The following ZNF609 variants were observed in gnomAD, a reference collection of about 807,000 sequenced individuals.
The protein encoded by ZNF609 is zinc finger protein 609.
ZNF609 carries 11 observed loss-of-function variants against 109.5 expected under a neutral mutation model. That is an observed-to-expected ratio of 0.10 (90% CI 0.06 to 0.17). The LOEUF is 0.17. Ranked by LOEUF, ZNF609 falls within the 10% of genes least tolerant of loss-of-function variation. The pLI is 1.00. For synonymous variants in ZNF609, 646 were observed against 662.0 expected (o/e 0.98, Z 0.37); for missense variants, 1,559 against 1,772.4 (o/e 0.88, Z 2.16).
chr15:64,529,741 CT>C (rs1428575036), intron 2 of ZNF609: 3 of 588,628 alleles, frequency 5.1e-6, no homozygotes, highest in Non-Finnish European at 9.5e-6. Flanking sequence ...GGAGCAGAGA[CT>C]TTTTTGAGAC....
intron 3 of ZNF609, among the ~76,000 whole-genome samples, chr15:64,642,212 C>T (rs978215554): frequency 8.5e-5 from 13 of 152,112 alleles, no homozygotes; most frequent in Admixed American, 3.9e-4. Flanking sequence ...GAAACAGAGT[C>T]TCGTTCTGTC....
At chr15:64,554,449 T>C (rs1297430700) in intron 2 of ZNF609, among the ~76,000 whole-genome samples, 6 of 152,098 alleles carry the variant, frequency 3.9e-5, no homozygotes, top group African/African-American at 2.4e-5. Flanking sequence ...AAGACCAGCC[T>C]GGACAACAAG....
At chr15:64,503,137 T>G (rs1893585783) in intron 2 of ZNF609, 1 of 152,096 alleles carries the variant, frequency 6.6e-6, no homozygotes, top group Admixed American at 6.6e-5. Flanking sequence ...GGCTATGGCC[T>G]GGGAAATTTT....
chr15:64,544,737 C>A (rs1266970756), intron 2 of ZNF609, among the ~76,000 whole-genome samples: 2 of 152,214 alleles, frequency 1.3e-5, no homozygotes, highest in African/African-American at 4.8e-5. Context: ...TCTCTTAACT[C>A]CTCTAAGCTG....
intron 1 of ZNF609, among the ~76,000 whole-genome samples, chr15:64,481,311 T>C (rs933481900): frequency 6.7e-6 from 1 of 148,958 alleles, no homozygotes; most frequent in Non-Finnish European, 1.5e-5. Context: ...AAGGCATCTT[T>C]CTTTTTTCTT....
intron 1 of ZNF609, among the ~76,000 whole-genome samples, chr15:64,474,306 C>T (rs1383184199): frequency 1.6e-4 from 24 of 151,826 alleles, no homozygotes. Flanking sequence ...CTCTGCCTCC[C>T]AGGTTCAAGC....
At chr15:64,565,469 T>C (rs914067080) in intron 2 of ZNF609, among the ~76,000 whole-genome samples, 4 of 152,148 alleles carry the variant, frequency 2.6e-5, no homozygotes, top group Non-Finnish European at 4.4e-5. Flanking sequence ...CTAAGTACTA[T>C]TGATAATTTA....
chr15:64,465,833 A>G (rs2140326755), intron 1 of ZNF609, among the ~76,000 whole-genome samples: 1 of 151,694 alleles, frequency 6.6e-6, no homozygotes, highest in East Asian at 2.0e-4. Context: ...AAACGGATAT[A>G]GGCCGGGCGC....
chr15:64,641,219 C>CTT lies in ZNF609; in HGVS notation c.973+18181_973+18182dup, dbSNP rs34007985. Among the ~76,000 whole-genome samples, 35 of 69,734 alleles carry CTT rather than the reference C, an allele frequency of 5.0e-4. 6 individuals carry two copies. Among genetic ancestry groups the CTT allele is most frequent in the African/African-American group, 1.7e-3 (32 of 18,856 alleles). 45.7% of individuals were successfully genotyped at this position (69,734 alleles called of 152,430 possible). A position where few individuals can be genotyped will look rare whatever the true frequency, so the allele number is the denominator to read the frequency against. On this transcript the variant is annotated intron_variant, in intron 3 of 9. Coordinates refer to ENST00000326648, the MANE Select transcript of ZNF609 (RefSeq NM_015042.2). ...TGGGTGTTAGTTACACTTGTGCTTTCTTTTTTTTTTTTTTTGAGATGGAGT... is the reference window on the plus strand; with the variant it reads ...TGGGTGTTAGTTACACTTGTGCTTTCTTTTTTTTTTTTTTTTTGAGATGGAGT...
chr15:64,486,524 CAAAAA>C (rs35701301), intron 1 of ZNF609, among the ~76,000 whole-genome samples: 1 of 113,070 alleles, frequency 8.8e-6, no homozygotes, highest in Non-Finnish European at 1.9e-5. Flanking sequence ...ACTCTGTCTC[CAAAAA>C]AAAAAAAAAA....
chr15:64,581,905 A>G (rs1311564070), intron 2 of ZNF609, among the ~76,000 whole-genome samples: 2 of 152,064 alleles, frequency 1.3e-5, no homozygotes, highest in African/African-American at 4.8e-5. Context: ...TACTCTGCCA[A>G]TTTTGCCAGT....
intron 2 of ZNF609, among the ~76,000 whole-genome samples, chr15:64,577,071 T>TTC (rs1894984477): frequency 2.1e-5 from 1 of 47,736 alleles, no homozygotes; most frequent in Non-Finnish European, 5.9e-5. Context: ...TATGTATATA[T>TTC]ACACAAATAT....
intron 2 of ZNF609, among the ~76,000 whole-genome samples, chr15:64,595,497 G>C (rs1469390150): frequency 6.6e-6 from 1 of 152,078 alleles, no homozygotes; most frequent in Admixed American, 6.6e-5. Context: ...CATCATTTGA[G>C]CCCGTACATC....
chr15:64,509,504 G>T (rs1441481002), intron 2 of ZNF609, among the ~76,000 whole-genome samples: 1 of 152,206 alleles, frequency 6.6e-6, no homozygotes, highest in East Asian at 1.9e-4. Flanking sequence ...AGACTTTGAA[G>T]AATTAATCCC....
At chr15:64,483,310 T>A (rs185698212) in intron 1 of ZNF609, among the ~76,000 whole-genome samples, 1 of 152,268 alleles carries the variant, frequency 6.6e-6, no homozygotes, top group Non-Finnish European at 1.5e-5. Context: ...GTCAGGCTGG[T>A]CTCGAACTCC....
intron 2 of ZNF609, among the ~76,000 whole-genome samples, chr15:64,602,634 C>A (rs920294505): frequency 6.6e-6 from 1 of 151,766 alleles, no homozygotes; most frequent in African/African-American, 2.4e-5. Context: ...TTTTTCTCTC[C>A]AGTCTCTTCA....
chr15:64,628,728 C>T (rs952525932), intron 3 of ZNF609, among the ~76,000 whole-genome samples: 9 of 152,056 alleles, frequency 5.9e-5, no homozygotes, highest in East Asian at 5.8e-4. Context: ...CGGGTTCAAG[C>T]GATTCTCCTG....
In ZNF609 at chr15:64,535,890, T is replaced by C. The variant is rs75189027; in HGVS notation, c.747+35724T>C. ...AATGATAACAGTGTTCAAGTTATTT[T>C]CGTGTGCTTGTTTATCACCTGTGTA... On this transcript the variant is annotated intron_variant, in intron 2 of 9. Transcript: ENST00000326648. Among the ~76,000 whole-genome samples the C allele has an allele frequency of 2.0e-3, 308 of 152,336 alleles. 1 individual carries two copies. Among genetic ancestry groups the C allele is most frequent in the African/African-American group, 6.8e-3 (282 of 41,596 alleles).
At chr15:64,542,235 TA>T (rs1336284991) in intron 2 of ZNF609, among the ~76,000 whole-genome samples, 12 of 152,180 alleles carry the variant, frequency 7.9e-5, no homozygotes, top group African/African-American at 2.9e-4. Flanking sequence ...GAAAATGGCC[TA>T]AAACCACTTT....
Sources: gnomAD v4.1 joint callset for allele counts (sites outside exome capture counted in the v4.1 genomes callset) on GRCh38, gnomAD v4.1.1 for gene constraint, MANE v1.5 for transcripts, NCBI Gene and HGNC (gene_info 2026-07-23, HGNC 2026-07-21) for gene names.